The following FARS2 variants were observed in gnomAD, a reference collection of about 807,000 sequenced individuals.
FARS2 encodes the protein phenylalanine--tRNA ligase, mitochondrial.
FARS2 carries 40 observed loss-of-function variants against 46.4 expected under a neutral mutation model. The observed-to-expected ratio is 0.86, with a 90% CI of 0.67 to 1.12. The LOEUF is 1.12. Among genes scored for constraint, FARS2 ranks in the 50% most tolerant of loss-of-function variants. The pLI is 0.00. For missense variants in FARS2, 513 were observed against 567.9 expected, an observed-to-expected ratio of 0.90 and a Z score of 0.98; for synonymous variants, 234 against 214.9, an observed-to-expected ratio of 1.09 and a Z score of -0.78.
chr6:5,301,444 C>A (rs529902538), intron 1 of FARS2, among the ~76,000 whole-genome samples: 10 of 152,202 alleles, frequency 6.6e-5, no homozygotes, highest in Non-Finnish European at 1.0e-4. Context: ...GAATGAGACC[C>A]TGTCTCTAAA....
chr6:5,613,118 T>A, intron 5 of FARS2, 51 bp from the exon 6 acceptor site: 1 of 1,513,766 alleles, frequency 6.6e-7, no homozygotes, highest in Non-Finnish European at 9.0e-7. Context: ...AATTTAAATA[T>A]TCTCATTCAA....
intron 1 of FARS2, among the ~76,000 whole-genome samples, chr6:5,294,334 T>C (rs1299330771): frequency 1.3e-5 from 2 of 152,178 alleles, no homozygotes; most frequent in African/African-American, 4.8e-5. Flanking sequence ...ATGATGTGTA[T>C]GTGGTGGTGT....
At chr6:5,572,945 G>A (rs1441311367) in intron 5 of FARS2, among the ~76,000 whole-genome samples, 1 of 152,134 alleles carries the variant, frequency 6.6e-6, no homozygotes, top group African/African-American at 2.4e-5. Context: ...GTTTAATGCT[G>A]TCTTGTTTCA....
chr6:5,766,152 A>G (rs1762738147), intron 6 of FARS2, among the ~76,000 whole-genome samples: 1 of 152,182 alleles, frequency 6.6e-6, no homozygotes, highest in African/African-American at 2.4e-5. Context: ...AAGTACATAA[A>G]AGAGAACTTT....
intron 4 of FARS2, among the ~76,000 whole-genome samples, chr6:5,499,449 A>G (rs999235016): frequency 6.6e-6 from 1 of 152,254 alleles, no homozygotes; most frequent in African/African-American, 2.4e-5. Flanking sequence ...AAGAATGGTT[A>G]GAATAAGGTC....
At chr6:5,330,230 G>A (rs1770702981) in intron 1 of FARS2, among the ~76,000 whole-genome samples, 1 of 152,094 alleles carries the variant, frequency 6.6e-6, no homozygotes, top group Non-Finnish European at 1.5e-5. Context: ...GGGACAGTCA[G>A]CAAATATATA....
intron 4 of FARS2, among the ~76,000 whole-genome samples, chr6:5,522,509 G>A (rs1428438156): frequency 6.6e-6 from 1 of 152,228 alleles, no homozygotes; most frequent in South Asian, 2.1e-4. Flanking sequence ...TACCAATTTG[G>A]TTTGCCCCAT....
At chr6:5,252,178 T>A in the FARS2 span, among the ~76,000 whole-genome samples, 5 of 152,326 alleles carry the variant, frequency 3.3e-5, no homozygotes, top group African/African-American at 1.2e-4. Flanking sequence ...AATAAACTTC[T>A]CCAGGTTGAT....
intron 1 of FARS2, among the ~76,000 whole-genome samples, chr6:5,315,721 T>C (rs148811522): frequency 7.1e-6 from 1 of 141,684 alleles, no homozygotes. Flanking sequence ...GATTTCTCTT[T>C]CTTTCTTTCT....
chr6:5,325,973 AG>A (rs1258262621), intron 1 of FARS2, among the ~76,000 whole-genome samples: 1 of 152,252 alleles, frequency 6.6e-6, no homozygotes, highest in Non-Finnish European at 1.5e-5. Context: ...ATACCATGTC[AG>A]GAAGGAACTG....
chr6:5,523,468 C>G (rs1460094081), intron 4 of FARS2, among the ~76,000 whole-genome samples: 1 of 147,088 alleles, frequency 6.8e-6, no homozygotes, highest in Non-Finnish European at 1.5e-5. Flanking sequence ...CTTGGAGATT[C>G]CCCATTAGTG....
intron 4 of FARS2, among the ~76,000 whole-genome samples, chr6:5,506,233 G>A (rs1458248648): frequency 6.6e-6 from 1 of 152,168 alleles, no homozygotes; most frequent in Non-Finnish European, 1.5e-5. Context: ...ATATGGACCA[G>A]CAAGTAACTT....
intron 4 of FARS2, among the ~76,000 whole-genome samples, chr6:5,463,083 C>T (rs1457515259): frequency 6.6e-6 from 1 of 152,190 alleles, no homozygotes; most frequent in Non-Finnish European, 1.5e-5. Flanking sequence ...TAACTATTTA[C>T]GAAAGCTGGA....
At chr6:5,312,710 A>T (rs1392046528) in intron 1 of FARS2, among the ~76,000 whole-genome samples, 3 of 152,242 alleles carry the variant, frequency 2.0e-5, no homozygotes, top group African/African-American at 4.8e-5. Context: ...AGTATCAATT[A>T]TAAGGAGTCC....
chr6:5,605,207 G>A (rs1227336097), intron 5 of FARS2, among the ~76,000 whole-genome samples: 1 of 152,198 alleles, frequency 6.6e-6, no homozygotes, highest in Non-Finnish European at 1.5e-5. Flanking sequence ...GCAAAGCAGA[G>A]TGTGAAACCA....
At chr6:5,615,504 C>T (rs996175110) in intron 6 of FARS2, among the ~76,000 whole-genome samples, 8 of 152,126 alleles carry the variant, frequency 5.3e-5, no homozygotes, top group Admixed American at 3.3e-4. Flanking sequence ...GCTTTCTGGT[C>T]TTCCTTCATA....
chr6:5,369,822 A>G (rs1348689903), intron 2 of FARS2, among the ~76,000 whole-genome samples: 1 of 151,334 alleles, frequency 6.6e-6, no homozygotes, highest in Non-Finnish European at 1.5e-5. Context: ...TGTTATCCTA[A>G]TATGTTGTGT....
At chr6:5,575,465 T>C (rs1395403828) in intron 5 of FARS2, among the ~76,000 whole-genome samples, 1 of 152,218 alleles carries the variant, frequency 6.6e-6, no homozygotes, top group Admixed American at 6.5e-5. Context: ...GGGAGACACA[T>C]ACCCTCTTCT....
intron 2 of FARS2, among the ~76,000 whole-genome samples, chr6:5,389,617 C>G (rs775628901): frequency 2.0e-5 from 3 of 152,132 alleles, no homozygotes; most frequent in Non-Finnish European, 4.4e-5. Flanking sequence ...CAAAGATTGA[C>G]TTATGAAGCT....
Sources: gnomAD v4.1 joint callset for allele counts (sites outside exome capture counted in the v4.1 genomes callset) on GRCh38, gnomAD v4.1.1 for gene constraint, MANE v1.5 for transcripts, NCBI Gene and HGNC (gene_info 2026-07-23, HGNC 2026-07-21) for gene names.